The following MUSK variants were observed in gnomAD, a reference collection of about 807,000 sequenced individuals.
The protein encoded by MUSK is muscle, skeletal receptor tyrosine-protein kinase.
Under a neutral mutation model 88.7 loss-of-function variants are expected in MUSK, and 55 were observed. That is an observed-to-expected ratio of 0.62 (90% confidence interval 0.50 to 0.78). The LOEUF is 0.78. Among genes scored for constraint, MUSK ranks in the 30% least tolerant of loss-of-function variants. MUSK has a pLI of 0.00. For synonymous variants in MUSK, 387 were observed against 391.9 expected (o/e 0.99, Z 0.15); for missense variants, 1,015 against 1,074.3 (o/e 0.94, Z 0.77).
chr9:110,798,277 G>T (rs1588051416), intron 14 of MUSK, among the ~76,000 whole-genome samples: 1 of 152,136 alleles, frequency 6.6e-6, no homozygotes, highest in Admixed American at 6.5e-5. Context: ...TGATACATCA[G>T]CCACTTATTG....
At chr9:110,689,140 A>G (rs1448644269) in intron 3 of MUSK, among the ~76,000 whole-genome samples, 34 of 131,234 alleles carry the variant, frequency 2.6e-4, no homozygotes, top group African/African-American at 8.2e-4. Flanking sequence ...ACATAAATAA[A>G]CTATATATTT....
chr9:110,728,000 CT>C (rs1406098429), intron 5 of MUSK, among the ~76,000 whole-genome samples: 3 of 152,106 alleles, frequency 2.0e-5, no homozygotes, highest in Non-Finnish European at 4.4e-5. Context: ...GTTTTGTTGT[CT>C]CTCTTCTAGG....
intron 11 of MUSK, among the ~76,000 whole-genome samples, chr9:110,781,628 G>C (rs2077762740): frequency 6.6e-6 from 1 of 152,066 alleles, no homozygotes; most frequent in Non-Finnish European, 1.5e-5. Context: ...CCACAGACTG[G>C]GTGGCTTATA....
intron 8 of MUSK, among the ~76,000 whole-genome samples, chr9:110,766,240 A>G (rs2077483564): frequency 6.6e-6 from 1 of 152,064 alleles, no homozygotes; most frequent in Non-Finnish European, 1.5e-5. Context: ...AAGAGAGGAG[A>G]GACAGGAGGG....
intron 5 of MUSK, among the ~76,000 whole-genome samples, chr9:110,701,094 T>C (rs2076495037): frequency 6.6e-6 from 1 of 152,176 alleles, no homozygotes; most frequent in South Asian, 2.1e-4. Flanking sequence ...GAAAACACTT[T>C]TGTTAAAGGG....
At chr9:110,747,492 T>G (rs2077187877) in intron 6 of MUSK, 149 bp from the exon 7 acceptor site, 1 of 714,490 alleles carries the variant, frequency 1.4e-6, no homozygotes, top group Non-Finnish European at 2.3e-6. Context: ...TGCAAGGGCA[T>G]GGACACAGGG....
chr9:110,707,500 G>A (rs1465911478), intron 5 of MUSK, among the ~76,000 whole-genome samples: 1 of 152,182 alleles, frequency 6.6e-6, no homozygotes, highest in East Asian at 1.9e-4. Flanking sequence ...TGAATGTAGT[G>A]TACTTGAGAC....
Position 110,770,298 on chromosome 9 carries a change from A to T in MUSK, c.1184+2215A>T, listed in dbSNP as rs893546707. The stretch of plus-strand genomic sequence containing the variant: ...ATTATATAAGTTATATAATACAATT[A>T]TATATTAACTTAACAATAATTATCA... On this transcript the variant is annotated intron_variant, in intron 9 of 14. Transcript: ENST00000374448. Among the ~76,000 whole-genome samples, 15 of 144,442 alleles carry T rather than the reference A, an allele frequency of 1.0e-4. 1 individual carries two copies. The East Asian group carries it at 3.0e-3, about 28-fold the overall frequency. The allele number at this position is 144,442 out of a possible 152,430, so 94.8% of individuals were successfully genotyped here.
At chr9:110,689,605 A>G (rs1195553224) in intron 3 of MUSK, among the ~76,000 whole-genome samples, 1 of 103,786 alleles carries the variant, frequency 9.6e-6, no homozygotes, top group Non-Finnish European at 1.7e-5. Context: ...ATAACATATT[A>G]TATATTTTAG....
intron 6 of MUSK, among the ~76,000 whole-genome samples, chr9:110,738,992 C>A (rs781746031): frequency 1.3e-5 from 2 of 152,094 alleles, no homozygotes; most frequent in African/African-American, 4.8e-5. Context: ...GAAAATGACT[C>A]CCAATCAGAT....
chr9:110,711,558 T>A (rs1005978658), intron 5 of MUSK, among the ~76,000 whole-genome samples: 4 of 152,142 alleles, frequency 2.6e-5, no homozygotes, highest in African/African-American at 9.7e-5. Context: ...GACGAAATCT[T>A]ATGGAGAAAT....
At chr9:110,727,061 TGACA>T (rs1351353445) in intron 5 of MUSK, among the ~76,000 whole-genome samples, 1 of 152,120 alleles carries the variant, frequency 6.6e-6, no homozygotes, top group Non-Finnish European at 1.5e-5. Context: ...AAGGTACATT[TGACA>T]GACGACCTCT....
intron 1 of MUSK, among the ~76,000 whole-genome samples, chr9:110,676,928 A>G (rs2076038715): frequency 1.3e-5 from 2 of 152,164 alleles, no homozygotes; most frequent in African/African-American, 4.8e-5. Flanking sequence ...CATTTAAATA[A>G]GAAGCTCTCT....
Position 110,687,173 on chromosome 9 carries a change from G to C in MUSK, c.263G>C (p.Ser88Thr). Residue 88 changes from serine to threonine, a missense_variant, in exon 3 of 15, where the codon AGT (serine) becomes ACT (threonine). By Grantham distance (58) the Ser-to-Thr change is moderately conservative. Coordinates refer to ENST00000374448, the MANE Select transcript of MUSK (RefSeq NM_005592.4). ...RENGQLLTIL[S>T]VEDSDDGIYC... The stretch of plus-strand genomic sequence containing the variant: ...AATGGGCAGCTCCTCACCATCCTGA[G>C]TGTGGAAGACAGTGATGATGGCATT... 3 of 1,613,804 alleles carry C rather than the reference G, an allele frequency of 1.9e-6. No individual in the cohort carries two copies. The South Asian group carries it at 3.3e-5, about 18-fold the overall frequency.
rs902876232 is a variant in MUSK, at chr9:110,708,102, A to G, written c.628+10636A>G. On this transcript the variant is annotated intron_variant, in intron 5 of 14. Coordinates refer to ENST00000374448, the MANE Select transcript of MUSK (RefSeq NM_005592.4). ...GAAAATAAATAATTCCTATCTATCT[A>G]TCTATCTATCTATCTATCTATCTAT... Among the ~76,000 whole-genome samples the G allele has an allele frequency of 8.0e-5, 12 of 149,354 alleles. No individual in the cohort carries two copies. In the East Asian group the frequency reaches 2.4e-3, roughly 29 times the overall value.
intron 7 of MUSK, chr9:110,748,125 G>A (rs1231374443): frequency 3.6e-5 from 14 of 389,210 alleles, no homozygotes; most frequent in East Asian, 6.4e-5. Context: ...TCCCTCCCTC[G>A]CTCCCTTTTT....
chr9:110,791,392 G>A (rs1361750482), intron 14 of MUSK, among the ~76,000 whole-genome samples: 2 of 90,866 alleles, frequency 2.2e-5, no homozygotes, highest in Non-Finnish European at 4.5e-5. Flanking sequence ...CGAATATTGC[G>A]CTTTTCAGAC....
chr9:110,780,896 A>G (rs1372382216), intron 11 of MUSK, among the ~76,000 whole-genome samples: 1 of 152,158 alleles, frequency 6.6e-6, no homozygotes, highest in Non-Finnish European at 1.5e-5. Flanking sequence ...CTATGATGGG[A>G]ATCTTTATCC....
At chr9:110,754,251 A>T (rs2077283936) in intron 7 of MUSK, among the ~76,000 whole-genome samples, 1 of 152,236 alleles carries the variant, frequency 6.6e-6, no homozygotes, top group Non-Finnish European at 1.5e-5. Flanking sequence ...GCATCCTTTT[A>T]CAATCAGGCA....
Sources: gnomAD v4.1 joint callset for allele counts (sites outside exome capture counted in the v4.1 genomes callset) on GRCh38, gnomAD v4.1.1 for gene constraint, MANE v1.5 for transcripts, NCBI Gene and HGNC (gene_info 2026-07-23, HGNC 2026-07-21) for gene names.